DGKK: variants seen among roughly 807,000 people sequenced by gnomAD.
DGKK encodes 142 kDa diacylglycerol kinase.
A neutral mutation model predicts 92.2 loss-of-function variants in DGKK; 35 were observed. The observed-to-expected ratio is 0.38, with a 90% CI of 0.29 to 0.50. The LOEUF (loss-of-function observed/expected upper bound fraction) is 0.50, where lower values mean the gene tolerates loss of function less well. Among genes scored for constraint, DGKK ranks in the 20% least tolerant of loss-of-function variants. The pLI is 0.92. For synonymous variants in DGKK, 368 were observed against 360.6 expected, an observed-to-expected ratio of 1.02 and a Z score of -0.23; for missense variants, 910 against 992.2, an observed-to-expected ratio of 0.92 and a Z score of 1.11.
At chrX:50,392,972 G>C (rs1557225713) in intron 9 of DGKK, among the ~76,000 whole-genome samples, 180 bp downstream of exon 9, 1 of 112,541 alleles carries the variant, frequency 8.9e-6, no homozygotes, top group Non-Finnish European at 1.9e-5. Context: ...AGAGGGCTAA[G>C]AGCCCTCCTA....
intron 8 of DGKK, 58 bp downstream of exon 8, chrX:50,400,979 C>A: frequency 9.5e-7 from 1 of 1,054,906 alleles, no homozygotes; most frequent in African/African-American, 1.8e-5. Context: ...TTCTTCCCAG[C>A]CTTTGCACCT....
At position 50,401,671 on chromosome X, in the gene DGKK, A is replaced by G. The variant is rs1040941296; in HGVS notation, c.1309-532T>C. 4.5e-5 allele frequency among the ~76,000 whole-genome samples: 5 copies of G among 110,375 alleles called. No homozygotes were observed. In the Admixed American group the frequency reaches 4.8e-4, roughly 11 times the overall value. The stretch of plus-strand genomic sequence containing the variant: ...AGCGGCCATTCTTTCCAGATTTCTG[A>G]CATCTTCAAGTGCCACTTCCTGGAA... On this transcript the variant is annotated intron_variant, in intron 7 of 27. Coordinates refer to ENST00000611977, the MANE Select transcript of DGKK (RefSeq NM_001013742.4).
At chrX:50,384,442 C>A (rs1169182959) in intron 16 of DGKK, among the ~76,000 whole-genome samples, 178 bp from the exon 17 acceptor site, 1 of 111,230 alleles carries the variant, frequency 9.0e-6, no homozygotes, top group Admixed American at 9.6e-5. Context: ...GGGACTTCCA[C>A]TGAGAGAAGA....
chrX:50,371,798 C>T lies in DGKK; in HGVS notation c.3538G>A (p.Ala1180Thr), dbSNP rs782057564. The T allele has an allele frequency of 1.8e-5, 22 of 1,206,492 alleles. No individual in the cohort carries two copies. The highest frequency in any genetic ancestry group is 2.4e-5 in the Non-Finnish European group (21 of 892,081). The change falls in exon 26 of 28, where the codon GCC becomes ACC. Residue 1180 changes from alanine (A) to threonine (T), a missense_variant. By Grantham distance (58) the Ala-to-Thr change is moderately conservative. Coordinates refer to ENST00000611977, the MANE Select transcript of DGKK (RefSeq NM_001013742.4). ...AACTCCTTATTCATGGCATCCAGGG[C>T]GCTTTGTAGTGCAGTCTCATCCTCA... ...SAEDETALQS[A>T]LDAMNKEFKK...
chrX:50,409,935 A>G (rs1426673412), intron 4 of DGKK, among the ~76,000 whole-genome samples: 1 of 111,255 alleles, frequency 9.0e-6, no homozygotes, highest in Non-Finnish European at 1.9e-5. Context: ...TTGTCTATGA[A>G]CCAGGAAGTG....
intron 1 of DGKK, among the ~76,000 whole-genome samples, chrX:50,466,890 A>C (rs1201778522): frequency 8.9e-6 from 1 of 112,073 alleles, no homozygotes; most frequent in Admixed American, 9.4e-5. Flanking sequence ...AATGGTTATT[A>C]CTGTGCAGTC....
Position 50,470,717 on chromosome X carries a change from T to A in DGKK, c.-39A>T. 1 of 1,085,373 alleles carries A rather than the reference T, an allele frequency of 9.2e-7. No individual in the cohort carries two copies. The highest frequency in any genetic ancestry group is 3.3e-5 in the East Asian group (1 of 30,024). 89.4% of individuals were successfully genotyped at this position (1,085,373 alleles called of 1,213,427 possible). A position where few individuals can be genotyped will look rare whatever the true frequency, so the allele number is the denominator to read the frequency against. On this transcript the variant is annotated 5_prime_UTR_variant, in exon 1 of 28. Coordinates refer to ENST00000611977, the MANE Select transcript of DGKK (RefSeq NM_001013742.4). ...TTCAGGTCTGGGCAGCCTGAGTCCC[T>A]AAGCCTGGAAGGCTAAAGTACCCTC...
chrX:50,420,300 T>A, intron 4 of DGKK, 103 bp downstream of exon 4: 1 of 720,539 alleles, frequency 1.4e-6, no homozygotes, highest in Non-Finnish European at 2.1e-6. Flanking sequence ...ACAGGTGGTC[T>A]CTGCTTCCAT....
At position 50,367,281 on chromosome X, in the gene DGKK, G is replaced by A. The variant is rs782526894; in HGVS notation, c.*1659C>T. 2.6e-4 allele frequency: 29 copies of A among 111,795 alleles called. No homozygotes were observed. The highest frequency in any genetic ancestry group is 9.1e-4 in the African/African-American group (28 of 30,776). 9.2% of individuals were successfully genotyped at this position (111,795 alleles called of 1,213,427 possible). On this transcript the variant is annotated 3_prime_UTR_variant, in exon 28 of 28. Transcript: ENST00000611977. ...AGTTAACTAAAGGTATGAGTCAAGG[G>A]TGGGGTGAAGATGCAAGGCTGACCA...
At chrX:50,466,731 AC>A (rs1206920251) in intron 1 of DGKK, among the ~76,000 whole-genome samples, 6 of 111,796 alleles carry the variant, frequency 5.4e-5, no homozygotes. Context: ...GAGAAAGGCC[AC>A]CCCTATTTTT....
chrX:50,470,132 G>T lies in DGKK; in HGVS notation c.547C>A (p.Gln183Lys). The change falls in exon 1 of 28, where the codon CAA (glutamine) becomes AAA (lysine). Residue 183 changes from glutamine (Q) to lysine (K), a missense_variant. Coordinates refer to ENST00000611977, the MANE Select transcript of DGKK (RefSeq NM_001013742.4). ...FRPSPAPCLL[Q>K]CPVDTRERGL... ...CTCTCTCGAGTGTCCACCGGACATTGCAATAGACATGGTGCTGGACTTGGA... is the reference window on the plus strand; with the variant it reads ...CTCTCTCGAGTGTCCACCGGACATTTCAATAGACATGGTGCTGGACTTGGA... 1 of 1,212,307 alleles carries T rather than the reference G, an allele frequency of 8.2e-7. No individual in the cohort carries two copies. Among genetic ancestry groups the T allele is most frequent in the Non-Finnish European group, 1.1e-6 (1 of 895,538 alleles).
At chrX:50,383,536 A>G (rs1386128025) in intron 17 of DGKK, among the ~76,000 whole-genome samples, 1 of 111,978 alleles carries the variant, frequency 8.9e-6, no homozygotes, top group Non-Finnish European at 1.9e-5. Context: ...TAGCTGTTTA[A>G]TCTTAGATTA....
Position 50,371,804 on chromosome X carries a change from G to C in DGKK, c.3532C>G (p.Gln1178Glu). The change falls in exon 26 of 28, where the codon CAA becomes GAA. Residue 1178 changes from glutamine (Q) to glutamate (E), a missense_variant. Physicochemically the swap from Gln to Glu is conservative, Grantham distance 29. Coordinates refer to ENST00000611977, the MANE Select transcript of DGKK (RefSeq NM_001013742.4). The part of the protein sequence containing the change: ...LRSAEDETAL[Q>E]SALDAMNKEF... ...TTATTCATGGCATCCAGGGCGCTTT[G>C]TAGTGCAGTCTCATCCTCAGCACTT... 8.3e-7 allele frequency: 1 copy of C among 1,204,916 alleles called. No homozygotes were observed.
At chrX:50,370,606 T>C (rs1924098671) in intron 26 of DGKK, 57 bp from the exon 27 acceptor site, 2 of 1,124,286 alleles carry the variant, frequency 1.8e-6, no homozygotes, top group Non-Finnish European at 2.4e-6. Context: ...CAAAGATAAT[T>C]GCTGGAGTCC....
intron 1 of DGKK, among the ~76,000 whole-genome samples, chrX:50,461,019 C>T (rs1557233294): frequency 9.0e-6 from 1 of 110,667 alleles, no homozygotes; most frequent in African/African-American, 3.3e-5. Context: ...AAGGCCAAGT[C>T]ACAAAAGCTA....
chrX:50,390,217 A>G, intron 12 of DGKK, 111 bp downstream of exon 12: 1 of 674,763 alleles, frequency 1.5e-6, no homozygotes, highest in Middle Eastern at 3.2e-4. Context: ...ACCAACTCTC[A>G]ATGATCTCAT....
At chrX:50,386,271 CA>C (rs1271324840) in intron 15 of DGKK, 86 bp downstream of exon 15, 20 of 671,486 alleles carry the variant, frequency 3.0e-5, no homozygotes, top group Non-Finnish European at 4.4e-5. Flanking sequence ...AGTCAGAGAG[CA>C]AACCCGGAGT....
chrX:50,388,898 C>T (rs1382716945), intron 12 of DGKK, among the ~76,000 whole-genome samples: 1 of 112,002 alleles, frequency 8.9e-6, no homozygotes, highest in African/African-American at 3.2e-5. Context: ...AATGAACAAA[C>T]AATCTCATAT....
chrX:50,470,377 G>C lies in DGKK; in HGVS notation c.302C>G (p.Pro101Arg). 2 of 1,211,138 alleles carry C rather than the reference G, an allele frequency of 1.7e-6. No homozygotes were observed. The highest frequency in any genetic ancestry group is 1.1e-6 in the Non-Finnish European group (1 of 895,165). Residue 101 changes from proline to arginine, a missense_variant, in exon 1 of 28, where the codon CCG (proline) becomes CGG (arginine). By Grantham distance (103) the Pro-to-Arg change is moderately radical. Coordinates refer to ENST00000611977, the MANE Select transcript of DGKK (RefSeq NM_001013742.4). ...SEPAPEPATEPAPEPATEPAP... is the reference protein window; with the variant it reads ...SEPAPEPATERAPEPATEPAP... ...CGGCTCTGTGGCAGGTTCTGGGGCC[G>C]GCTCTGTGGCAGGTTCTGGGGCCGG...
Sources: allele counts gnomAD v4.1 joint callset (sites outside exome capture counted in the v4.1 genomes callset), GRCh38; gene constraint gnomAD v4.1.1; transcripts MANE v1.5; gene names NCBI Gene and HGNC (gene_info 2026-07-23, HGNC 2026-07-21).